The following HTT variants were observed in gnomAD, a reference collection of about 807,000 sequenced individuals.
HTT encodes huntington disease protein.
A neutral mutation model predicts 362.3 loss-of-function variants in HTT; 104 were observed. The ratio of observed to expected loss-of-function variants is 0.29; its 90% CI spans 0.24 to 0.34. The LOEUF (loss-of-function observed/expected upper bound fraction) is 0.34. Ranked by LOEUF, HTT falls within the 10% of genes least tolerant of loss-of-function variation. The probability of loss-of-function intolerance (pLI) is 1.00; values close to 1 mark genes in which losing one functional copy is unlikely to be tolerated. For missense variants in HTT, 3,301 were observed against 3,928.6 expected (o/e 0.84, Z 4.27); for synonymous variants, 1,577 against 1,548.7 (o/e 1.02, Z -0.43).
At chr4:3,094,191 C>T (rs932340062) in intron 2 of HTT, among the ~76,000 whole-genome samples, 3 of 151,794 alleles carry the variant, frequency 2.0e-5, no homozygotes, top group Non-Finnish European at 2.9e-5. Flanking sequence ...CCATTTAACC[C>T]TTAGTGGACA....
At chr4:3,093,507 C>T (rs896971714) in intron 2 of HTT, among the ~76,000 whole-genome samples, 5 of 152,200 alleles carry the variant, frequency 3.3e-5, no homozygotes, top group Admixed American at 3.3e-4. Flanking sequence ...ATGCTCCCCT[C>T]TTTCCCCAAA....
At chr4:3,090,256 A>G (rs1289933788) in intron 2 of HTT, among the ~76,000 whole-genome samples, 1 of 152,218 alleles carries the variant, frequency 6.6e-6, no homozygotes, top group Non-Finnish European at 1.5e-5. Flanking sequence ...TAAGCTCTCT[A>G]AAGTGGTCTA....
chr4:3,127,630 CTTTT>C, intron 12 of HTT, 26 bp downstream of exon 12: 6 of 1,501,800 alleles, frequency 4.0e-6, no homozygotes, highest in Non-Finnish European at 5.5e-6. Flanking sequence ...GGCCTGACAT[CTTTT>C]TTTTTATTTT....
rs751965230 is a variant in HTT at position 3,099,404 on chromosome 4, G to A, written c.468+10G>A. 97 of 1,613,456 alleles carry A rather than the reference G, an allele frequency of 6.0e-5. No individual in the cohort carries two copies. Among genetic ancestry groups the A allele is most frequent in the East Asian group, 5.8e-4 (26 of 44,900 alleles). ...CAACAAAGTTATCAAAGTAAGAACC[G>A]TGTGGATGATGTTCTCCTCAGAGCT... On this transcript the variant is annotated intron_variant, in intron 3 of 66. Coordinates refer to ENST00000355072, the MANE Select transcript of HTT (RefSeq NM_001388492.1).
rs751408145 is a variant in HTT at position 3,115,411 on chromosome 4, A to T, written c.855A>T (p.Gln285His). The T allele has an allele frequency of 6.2e-7, 1 of 1,613,888 alleles. No homozygotes were observed. The highest frequency in any genetic ancestry group is 1.3e-5 in the African/African-American group (1 of 75,046). The change falls in exon 7 of 67, where the codon CAA becomes CAT. Residue 285 changes from glutamine to histidine, a missense_variant. Gln to His is a conservative substitution (Grantham distance 24). This residue lies in a region of HTT where 2,316 missense variants were observed against 2,658.5 expected (regional missense o/e 0.87). Coordinates refer to ENST00000355072, the MANE Select transcript of HTT (RefSeq NM_001388492.1). ...VSICQHSRRT[Q>H]YFYSWLLNVL... ...TCTGCCAGCACTCAAGAAGGACACA[A>T]TATTTCTATAGTTGGCTACTAAATG...
At chr4:3,234,670 A>T (rs1308589282) in intron 61 of HTT, among the ~76,000 whole-genome samples, 1 of 152,080 alleles carries the variant, frequency 6.6e-6, no homozygotes, top group Non-Finnish European at 1.5e-5. Context: ...CGTGGGGCTG[A>T]CCTCAGCACC....
intron 41 of HTT, among the ~76,000 whole-genome samples, 156 bp from the exon 42 acceptor site, chr4:3,203,849 CTG>C (rs1270003374): frequency 6.6e-6 from 1 of 152,170 alleles, no homozygotes; most frequent in Non-Finnish European, 1.5e-5. Context: ...GAATAGATAA[CTG>C]AGAGTATATA....
chr4:3,229,918 G>A lies in HTT; in HGVS notation c.8141G>A (p.Arg2714His), dbSNP rs772253061. 1.3e-5 allele frequency: 21 copies of A among 1,614,010 alleles called. No homozygotes were observed. The highest frequency in any genetic ancestry group is 8.0e-5 in the African/African-American group (6 of 74,916). ...LLVVSDLFTERNQFELMYVTL... is the reference protein window; with the variant it reads ...LLVVSDLFTEHNQFELMYVTL... ...GTGGTCTCAGACTTGTTCACCGAGC[G>A]CAACCAGTTTGAGCTGATGTATGTG... Residue 2714 changes from arginine to histidine, a missense_variant, in exon 60 of 67, where the codon CGC becomes CAC. Around this residue, in one of 4 missense-constraint regions of HTT, gnomAD observed 753 missense variants for 1,021.3 expected, o/e 0.74. Transcript: ENST00000355072.
intron 40 of HTT, among the ~76,000 whole-genome samples, chr4:3,194,119 C>T (rs1038554586): frequency 2.0e-5 from 3 of 152,162 alleles, no homozygotes; most frequent in African/African-American, 4.8e-5. Flanking sequence ...TATGTATTCA[C>T]GTACTGCTTA....
At chr4:3,182,932 G>C (rs1225346472) in intron 37 of HTT, among the ~76,000 whole-genome samples, 1 of 152,106 alleles carries the variant, frequency 6.6e-6, no homozygotes. Flanking sequence ...ACCCAGGCTA[G>C]AGTGCAGTCG....
At chr4:3,178,207 C>A in intron 34 of HTT, 91 bp from the exon 35 acceptor site, 2 of 1,008,474 alleles carry the variant, frequency 2.0e-6, no homozygotes, top group South Asian at 3.0e-5. Flanking sequence ...TGCTTGCTGT[C>A]AAGGTTGAAT....
intron 5 of HTT, 133 bp from the exon 6 acceptor site, chr4:3,107,152 T>G (rs1048035310): frequency 2.5e-6 from 2 of 796,494 alleles, no homozygotes; most frequent in Non-Finnish European, 4.0e-6. Context: ...TCCTGTTCTT[T>G]CAGCTGAGTT....
At chr4:3,111,510 A>G (rs563861964) in intron 6 of HTT, among the ~76,000 whole-genome samples, 8 of 152,290 alleles carry the variant, frequency 5.3e-5, no homozygotes, top group South Asian at 2.1e-4. Flanking sequence ...ACCAGTATCT[A>G]TAAGTCTTTT....
At chr4:3,100,582 G>A (rs573544185) in intron 3 of HTT, among the ~76,000 whole-genome samples, 30 of 152,308 alleles carry the variant, frequency 2.0e-4, no homozygotes, top group Admixed American at 4.6e-4. Context: ...ATGCAGTGAC[G>A]TATATCAGTT....
chr4:3,222,880 T>G (rs940936479), intron 54 of HTT, among the ~76,000 whole-genome samples: 11 of 152,224 alleles, frequency 7.2e-5, no homozygotes, highest in African/African-American at 2.7e-4. Context: ...TTTATCAGGC[T>G]TCTTGAAGTG....
In HTT at chr4:3,243,330, C is replaced by T. The variant is rs2530595; in HGVS notation, c.*3271C>T. 0.11 allele frequency: 16,120 copies of T among 152,612 alleles called. 1,113 individuals carry two copies. The highest frequency in any genetic ancestry group is 0.17 in the Middle Eastern group (51 of 294). The allele number at this position is 152,612 out of a possible 1,614,324, so 9.5% of individuals were successfully genotyped here. ...GTCCCTCCCCCGCTTCCTCCCTCTG[C>T]GGGGAGGACCCGGGACCACAGCTGC... On this transcript the variant is annotated 3_prime_UTR_variant, in exon 67 of 67. Coordinates refer to ENST00000355072, the MANE Select transcript of HTT (RefSeq NM_001388492.1).
rs746113648 is a variant in HTT, at chr4:3,121,351, G to T, written c.1192G>T (p.Val398Phe). Residue 398 changes from valine to phenylalanine, a missense_variant, in exon 9 of 67, where the codon GTC (valine) becomes TTC (phenylalanine). Physicochemically the swap from Val to Phe is conservative, Grantham distance 50. Coordinates refer to ENST00000355072, the MANE Select transcript of HTT (RefSeq NM_001388492.1). The part of the protein sequence containing the change: ...PPELLQTLTA[V>F]GGIGQLTAAK... ...CGAGCTTCTGCAAACCCTGACCGCA[G>T]TCGGGGGCATTGGGCAGCTCACCGC... 11 of 1,614,186 alleles carry T rather than the reference G, an allele frequency of 6.8e-6. No individual in the cohort carries two copies. The highest frequency in any genetic ancestry group is 9.3e-6 in the Non-Finnish European group (11 of 1,180,028).
chr4:3,235,347 T>G lies in HTT; in HGVS notation c.8520T>G (p.Ile2840Met), dbSNP rs201724113. ...TGTGTGCCACTGCGTTTTACCTCAT[T>G]GAGAACTATCCTCTGGACGTAGGGC... Reference protein sequence around the residue: ...LVMCATAFYLIENYPLDVGPE... With the variant: ...LVMCATAFYLMENYPLDVGPE... Residue 2840 changes from isoleucine to methionine, a missense_variant, in exon 62 of 67, where the codon ATT (isoleucine) becomes ATG (methionine). Physicochemically the swap from Ile to Met is conservative, Grantham distance 10. Around this residue, in one of 4 missense-constraint regions of HTT, gnomAD observed 753 missense variants for 1,021.3 expected, o/e 0.74. Coordinates refer to ENST00000355072, the MANE Select transcript of HTT (RefSeq NM_001388492.1). 1 of 1,613,922 alleles carries G rather than the reference T, an allele frequency of 6.2e-7. No individual in the cohort carries two copies. The highest frequency in any genetic ancestry group is 1.3e-5 in the African/African-American group (1 of 74,926).
At chr4:3,213,837 G>T (rs989574965) in intron 49 of HTT, 121 bp from the exon 50 acceptor site, 3 of 807,072 alleles carry the variant, frequency 3.7e-6, no homozygotes, top group Non-Finnish European at 5.6e-6. Flanking sequence ...TTCTGGAAGG[G>T]CAAGGGCACC....
Sources: allele counts gnomAD v4.1 joint callset (sites outside exome capture counted in the v4.1 genomes callset), GRCh38; gene constraint gnomAD v4.1.1; regional missense constraint gnomAD v4.1.1; transcripts MANE v1.5; gene names NCBI Gene and HGNC (gene_info 2026-07-23, HGNC 2026-07-21).